SPAG16: variants seen among roughly 807,000 people sequenced by gnomAD.
SPAG16 encodes sperm associated antigen 16.
A neutral mutation model predicts 80.4 loss-of-function variants in SPAG16; 86 were observed. The observed-to-expected ratio is 1.07, with a 90% CI of 0.90 to 1.28. SPAG16 has a LOEUF of 1.28. Among genes scored for constraint, SPAG16 ranks in the 50% most tolerant of loss-of-function variants. The pLI, the probability that SPAG16 is intolerant of heterozygous loss-of-function variation, is 0.00. For missense variants in SPAG16, 870 were observed against 765.3 expected, an observed-to-expected ratio of 1.14 and a Z score of -1.61; for synonymous variants, 294 against 265.9, an observed-to-expected ratio of 1.11 and a Z score of -1.03.
At chr2:213,422,347 G>T in intron 9 of SPAG16, 1 of 692,716 alleles carries the variant, frequency 1.4e-6, no homozygotes, top group East Asian at 2.7e-5. Flanking sequence ...CACAGATCCA[G>T]TGCCTGTGCC....
chr2:213,350,598 A>T lies in SPAG16; in HGVS notation c.715A>T (p.Lys239Ter), dbSNP rs1295755095. The T allele has an allele frequency of 6.2e-7, 1 of 1,605,232 alleles. No homozygotes were observed. The highest frequency in any genetic ancestry group is 1.3e-5 in the African/African-American group (1 of 74,434). The change falls in exon 7 of 16, where the codon AAG becomes TAG. Residue 239 changes from lysine to a stop codon, truncating the protein, a stop_gained. Coordinates refer to ENST00000331683, the MANE Select transcript of SPAG16 (RefSeq NM_024532.5). LOFTEE classifies it high-confidence loss of function. ...VLHEKHHTLLKEKMLTSLERD... is the reference protein window; with the variant it reads ...VLHEKHHTLL ...ACATGAGAAACACCACACTTTACTG[A>T]AGGAGAAAATGCTGACCTCCTTGGA...
chr2:213,571,819 A>G (rs1249480973), intron 10 of SPAG16, among the ~76,000 whole-genome samples: 2 of 109,284 alleles, frequency 1.8e-5, no homozygotes, highest in Non-Finnish European at 3.5e-5. Flanking sequence ...CCTGGATAAT[A>G]TCCTGCAGAG....
chr2:213,994,118 T>A (rs969230227), intron 12 of SPAG16, among the ~76,000 whole-genome samples: 1 of 151,648 alleles, frequency 6.6e-6, no homozygotes, highest in African/African-American at 2.4e-5. Context: ...ATGTGTGTGA[T>A]TTTTTTTTCA....
At chr2:213,327,658 C>G (rs537113266) in intron 5 of SPAG16, among the ~76,000 whole-genome samples, 32 of 152,152 alleles carry the variant, frequency 2.1e-4, no homozygotes, top group Admixed American at 6.5e-4. Flanking sequence ...GAAATTAAGA[C>G]AATTTAGTAT....
chr2:214,146,562 T>A (rs998066525), intron 14 of SPAG16, among the ~76,000 whole-genome samples: 1 of 152,220 alleles, frequency 6.6e-6, no homozygotes, highest in African/African-American at 2.4e-5. Flanking sequence ...AAATACTTGG[T>A]TGAGCTCTGC....
chr2:213,868,039 CTG>C (rs748844395), intron 11 of SPAG16, among the ~76,000 whole-genome samples: 4 of 151,604 alleles, frequency 2.6e-5, no homozygotes, highest in African/African-American at 7.3e-5. Flanking sequence ...ATACCAAACT[CTG>C]TTGGAAAAAT....
At chr2:213,489,865 A>G in intron 9 of SPAG16, 98 bp from the exon 10 acceptor site, 2 of 958,904 alleles carry the variant, frequency 2.1e-6, no homozygotes, top group Middle Eastern at 2.5e-4. Context: ...CTGGGCAAAT[A>G]TAATGTTTAT....
At chr2:214,250,757 TAGAGAGAGAGAG>T (rs1171199832) in intron 15 of SPAG16, among the ~76,000 whole-genome samples, 2 of 91,286 alleles carry the variant, frequency 2.2e-5, no homozygotes, top group East Asian at 3.3e-4. Context: ...TATATATATA[TAGAGAGAGAGAG>T]AGAGAGAGAG....
intron 9 of SPAG16, among the ~76,000 whole-genome samples, chr2:213,450,893 T>G (rs1575619377): frequency 6.6e-6 from 1 of 152,214 alleles, no homozygotes; most frequent in East Asian, 1.9e-4. Flanking sequence ...TAGGTAGGAC[T>G]ATGCTTTGTG....
At chr2:214,192,036 T>A (rs1377896622) in intron 15 of SPAG16, among the ~76,000 whole-genome samples, 1 of 151,586 alleles carries the variant, frequency 6.6e-6, no homozygotes, top group Non-Finnish European at 1.5e-5. Context: ...AGGAAGTAAA[T>A]AAATATTGCT....
intron 12 of SPAG16, among the ~76,000 whole-genome samples, chr2:213,984,285 G>A (rs1021055057): frequency 2.0e-5 from 3 of 151,894 alleles, no homozygotes; most frequent in African/African-American, 4.8e-5. Context: ...TATGATTTAG[G>A]GAACAAAATG....
At chr2:213,410,129 C>G (rs143892800) in intron 9 of SPAG16, among the ~76,000 whole-genome samples, 1 of 152,022 alleles carries the variant, frequency 6.6e-6, no homozygotes, top group Non-Finnish European at 1.5e-5. Context: ...TGTGCCACCC[C>G]CTCCAGAGTC....
intron 14 of SPAG16, among the ~76,000 whole-genome samples, chr2:214,131,321 G>C (rs755369118): frequency 4.8e-4 from 73 of 150,720 alleles, no homozygotes; most frequent in Admixed American, 1.2e-3. Flanking sequence ...AGTGAGCTGT[G>C]ATCATGCCAC....
At chr2:214,103,688 C>T (rs2053211335) in intron 13 of SPAG16, among the ~76,000 whole-genome samples, 1 of 152,074 alleles carries the variant, frequency 6.6e-6, no homozygotes, top group South Asian at 2.1e-4. Context: ...TCTAACTGTA[C>T]TTAGAGTTAT....
At chr2:214,280,599 G>A (rs6715127) in intron 15 of SPAG16, 9,061 of 221,590 alleles carry the variant, frequency 0.041, 565 homozygotes, top group East Asian at 0.16. Context: ...TAAATTTATC[G>A]TCTTTCTGAA....
intron 15 of SPAG16, among the ~76,000 whole-genome samples, chr2:214,243,844 C>A (rs1178959862): frequency 6.6e-6 from 1 of 151,988 alleles, no homozygotes; most frequent in East Asian, 1.9e-4. Context: ...TACCCATAGC[C>A]CTTCTCTGAC....
chr2:214,067,484 T>C (rs2050585324), intron 13 of SPAG16, among the ~76,000 whole-genome samples: 2 of 152,112 alleles, frequency 1.3e-5, no homozygotes, highest in African/African-American at 4.8e-5. Context: ...TGTGGGACAC[T>C]GGTCCACCTG....
intron 13 of SPAG16, among the ~76,000 whole-genome samples, chr2:214,040,545 T>C (rs2048952273): frequency 6.6e-6 from 1 of 152,138 alleles, no homozygotes; most frequent in Admixed American, 6.5e-5. Flanking sequence ...TGGTATTTGG[T>C]TTTCTGTTCC....
chr2:214,203,637 G>T (rs1296509377), intron 15 of SPAG16, among the ~76,000 whole-genome samples: 1 of 152,138 alleles, frequency 6.6e-6, no homozygotes, highest in Non-Finnish European at 1.5e-5. Context: ...TAAAATATGG[G>T]AATAGAAGAA....
Sources: allele counts gnomAD v4.1 joint callset (sites outside exome capture counted in the v4.1 genomes callset), GRCh38; gene constraint gnomAD v4.1.1; transcripts MANE v1.5; gene names NCBI Gene and HGNC (gene_info 2026-07-23, HGNC 2026-07-21).